ADGRG1: variants seen among roughly 807,000 people sequenced by gnomAD.
ADGRG1 encodes the protein 7-transmembrane protein with no EGF-like N-terminal domains-1.
A neutral mutation model predicts 73.5 loss-of-function variants in ADGRG1; 53 were observed. The observed-to-expected ratio is 0.72, with a 90% CI of 0.58 to 0.91. The LOEUF (loss-of-function observed/expected upper bound fraction) is 0.91, where lower values mean the gene tolerates loss of function less well. Ranked by LOEUF, ADGRG1 falls within the 40% of genes least tolerant of loss-of-function variation. The pLI is 0.00. For synonymous variants in ADGRG1, 394 were observed against 374.4 expected, an observed-to-expected ratio of 1.05 and a Z score of -0.60; for missense variants, 795 against 871.8, an observed-to-expected ratio of 0.91 and a Z score of 1.11.
intron 1 of ADGRG1, chr16:57,634,317 G>A (rs2038804872): frequency 1.0e-6 from 1 of 985,404 alleles, no homozygotes. Flanking sequence ...CAGATGCTAG[G>A]GGTGAGCCCA....
chr16:57,650,412 A>C, intron 2 of ADGRG1, 61 bp downstream of exon 2: 4 of 1,611,100 alleles, frequency 2.5e-6, no homozygotes, highest in Non-Finnish European at 3.4e-6. Flanking sequence ...CCCTGTGCCT[A>C]GGGTGGCTGC....
At chr16:57,645,060 C>T (rs1032114394) in intron 1 of ADGRG1, 7 of 984,846 alleles carry the variant, frequency 7.1e-6, no homozygotes, top group Non-Finnish European at 7.2e-6. Context: ...CACTCATGCA[C>T]ACGCACACAC....
intron 1 of ADGRG1, chr16:57,636,148 T>C (rs2039313855): frequency 5.1e-6 from 5 of 985,348 alleles, no homozygotes; most frequent in Non-Finnish European, 6.0e-6. Context: ...GGACCCACTT[T>C]TCTTTGCACA....
intron 4 of ADGRG1, 61 bp downstream of exon 4, chr16:57,653,396 G>T: frequency 6.3e-7 from 1 of 1,597,546 alleles, no homozygotes; most frequent in Non-Finnish European, 8.5e-7. Flanking sequence ...CTGGACCTGG[G>T]CAGGGTGGGA....
intron 1 of ADGRG1, chr16:57,639,709 C>T: frequency 5.2e-6 from 5 of 955,964 alleles, no homozygotes; most frequent in Non-Finnish European, 6.2e-6. Context: ...CTCCCCGTCC[C>T]TTTCACTCCT....
Position 57,629,035 on chromosome 16 carries a change from AGT to A in ADGRG1, c.-36+237_-36+238del, listed in dbSNP as rs879855741. On this transcript the variant is annotated intron_variant, in intron 1 of 13. Transcript: ENST00000562631. ...GTGTGACTGAGCGTTTGAGTGTGAG[AGT>A]GTGAGTGAGTGTGTGTGAGTATGAG... 761 of 409,936 alleles carry A rather than the reference AGT, an allele frequency of 1.9e-3. 12 individuals carry two copies. In the African/African-American group the frequency reaches 0.02, roughly 11 times the overall value. The allele number at this position is 409,936 out of a possible 1,614,324, so 25.4% of individuals were successfully genotyped here. A position where few individuals can be genotyped will look rare whatever the true frequency, so the allele number is the denominator to read the frequency against.
chr16:57,624,494 C>G (rs2035461181), upstream of ADGRG1, among the ~76,000 whole-genome samples: 1 of 152,118 alleles, frequency 6.6e-6, no homozygotes. Context: ...GAGCGAGGCC[C>G]TGTCTCGAAA....
chr16:57,661,226 G>T, intron 12 of ADGRG1: 5 of 943,768 alleles, frequency 5.3e-6, no homozygotes, highest in Non-Finnish European at 6.3e-6. Context: ...CTCAGGGAGG[G>T]AAGAGATCCG....
chr16:57,625,491 C>G (rs147125439), upstream of ADGRG1: 8 of 822,952 alleles, frequency 9.7e-6, no homozygotes, highest in Admixed American at 1.2e-4. Flanking sequence ...TCTCCTCCCC[C>G]GCTCTTCCCC....
At chr16:57,636,467 C>T in intron 1 of ADGRG1, 1 of 985,284 alleles carries the variant, frequency 1.0e-6, no homozygotes, top group South Asian at 4.7e-5. Flanking sequence ...GAACCGTTCT[C>T]TGGCCAAGCA....
At chr16:57,632,355 G>A in intron 1 of ADGRG1, 8 of 978,442 alleles carry the variant, frequency 8.2e-6, no homozygotes, top group Non-Finnish European at 8.5e-6. Flanking sequence ...GTGGGAACAT[G>A]GGCCTGTGCC....
chr16:57,630,730 G>A, intron 1 of ADGRG1: 3 of 231,966 alleles, frequency 1.3e-5, no homozygotes, highest in Non-Finnish European at 2.1e-5. Flanking sequence ...CCAGAGAAGG[G>A]GAAGAGGACC....
intron 1 of ADGRG1, chr16:57,646,695 G>A: frequency 1.0e-6 from 1 of 985,072 alleles, no homozygotes; most frequent in African/African-American, 1.7e-5. Flanking sequence ...AGCTCTACAA[G>A]GAGGGGGAGA....
At chr16:57,642,343 G>A in intron 1 of ADGRG1, 2 of 985,366 alleles carry the variant, frequency 2.0e-6, no homozygotes, top group South Asian at 9.4e-5. Flanking sequence ...GATGATGAGT[G>A]GCCCTGGGGA....
chr16:57,663,218 G>A (rs967770156), intron 13 of ADGRG1: 34 of 799,904 alleles, frequency 4.3e-5, no homozygotes, highest in Non-Finnish European at 5.0e-5. Flanking sequence ...AAAGAGAATA[G>A]TAATGAATAG....
At chr16:57,640,962 G>A in intron 1 of ADGRG1, 1 of 985,592 alleles carries the variant, frequency 1.0e-6, no homozygotes, top group Non-Finnish European at 1.2e-6. Flanking sequence ...GGGAACCTCA[G>A]CCAGACAACT....
chr16:57,658,987 TCAGA>T, intron 10 of ADGRG1: 1 of 985,168 alleles, frequency 1.0e-6, no homozygotes, highest in Non-Finnish European at 1.2e-6. Context: ...CTTGCAAACC[TCAGA>T]CAGACCGATG....
upstream of ADGRG1, chr16:57,623,777 G>A (rs2035315414): frequency 9.1e-6 from 9 of 985,246 alleles, no homozygotes; most frequent in Non-Finnish European, 1.1e-5. Flanking sequence ...ATGGGAGATG[G>A]CGTTATCATG....
chr16:57,639,013 T>C (rs1320817134), intron 1 of ADGRG1, among the ~76,000 whole-genome samples: 1 of 150,676 alleles, frequency 6.6e-6, no homozygotes, highest in Non-Finnish European at 1.5e-5. Context: ...GAGGTTGCAG[T>C]GAGCTGAGAT....
Sources: gnomAD v4.1 joint callset for allele counts (sites outside exome capture counted in the v4.1 genomes callset) on GRCh38, gnomAD v4.1.1 for gene constraint, MANE v1.5 for transcripts, NCBI Gene and HGNC (gene_info 2026-07-23, HGNC 2026-07-21) for gene names.